Variants in FRYL observed in about 807,000 individuals in gnomAD.
FRYL encodes the protein FRY like transcription coactivator.
FRYL carries 150 observed loss-of-function variants against 351.2 expected under a neutral mutation model. That is an observed-to-expected ratio of 0.43 (90% CI 0.37 to 0.49). FRYL has a LOEUF of 0.49. Among genes scored for constraint, FRYL ranks in the 20% least tolerant of loss-of-function variants. FRYL has a pLI of 0.00. For missense variants in FRYL, 3,036 were observed against 3,619.3 expected (o/e 0.84, Z 4.13); for synonymous variants, 1,153 against 1,257.1 (o/e 0.92, Z 1.75).
chr4:48,614,162 C>T (rs1748857037), intron 7 of FRYL, among the ~76,000 whole-genome samples: 1 of 151,978 alleles, frequency 6.6e-6, no homozygotes, highest in African/African-American at 2.4e-5. Flanking sequence ...AAAAATTTTA[C>T]TTTAAGAATG....
intron 50 of FRYL, among the ~76,000 whole-genome samples, chr4:48,530,129 C>A (rs1727215586): frequency 6.6e-6 from 1 of 152,136 alleles, no homozygotes; most frequent in Non-Finnish European, 1.5e-5. Context: ...TTCTGGGTCA[C>A]TTCTGAGTCA....
chr4:48,515,285 A>C lies in FRYL; in HGVS notation c.7690-10T>G, dbSNP rs1723328323. 5.0e-6 allele frequency: 8 copies of C among 1,585,926 alleles called. No homozygotes were observed. Among genetic ancestry groups the C allele is most frequent in the South Asian group, 3.4e-5 (3 of 88,414 alleles). On this transcript the variant is annotated splice_polypyrimidine_tract_variant and intron_variant, in intron 55 of 63. Transcript: ENST00000358350. ...ATACTGAAGTTGTATCCTACAAAAC[A>C]ATCATAGTTTTAGTGAACTATAAAC... is the stretch of plus-strand genomic sequence containing the variant.
intron 50 of FRYL, among the ~76,000 whole-genome samples, chr4:48,528,940 T>G (rs772006297): frequency 5.3e-5 from 8 of 152,184 alleles, no homozygotes; most frequent in Non-Finnish European, 1.2e-4. Flanking sequence ...AATTTGCATT[T>G]GAAAATAAAA....
chr4:48,551,692 ATT>A, intron 36 of FRYL, 114 bp from the exon 37 acceptor site: 1 of 664,326 alleles, frequency 1.5e-6, no homozygotes. Flanking sequence ...GAGCAAAGTC[ATT>A]TAAAAAAAGG....
At chr4:48,596,037 A>G (rs1366122044) in intron 13 of FRYL, 37 bp from the exon 14 acceptor site, 2 of 1,273,762 alleles carry the variant, frequency 1.6e-6, no homozygotes, top group Non-Finnish European at 2.2e-6. Flanking sequence ...TTATTATAAT[A>G]CTTGCAATCA....
At chr4:48,690,279 C>G (rs577146916) in intron 2 of FRYL, among the ~76,000 whole-genome samples, 1 of 152,084 alleles carries the variant, frequency 6.6e-6, no homozygotes, top group East Asian at 1.9e-4. Flanking sequence ...CCAATTACAG[C>G]CTTCAACCCT....
chr4:48,675,519 G>C (rs1763490912), intron 3 of FRYL, among the ~76,000 whole-genome samples: 1 of 152,246 alleles, frequency 6.6e-6, no homozygotes, highest in Non-Finnish European at 1.5e-5. Flanking sequence ...GGGTCCCCCA[G>C]CAGTGCCAGC....
rs1759308376 is a variant in FRYL at position 48,656,753 on chromosome 4, G to A, written c.-80-22263C>T. Among the ~76,000 whole-genome samples, 4 of 131,274 alleles carry A rather than the reference G, an allele frequency of 3.0e-5. No homozygotes were observed. The South Asian group carries it at 7.4e-4, about 24-fold the overall frequency. 86.1% of individuals were successfully genotyped at this position (131,274 alleles called of 152,430 possible). A position where few individuals can be genotyped will look rare whatever the true frequency, so the allele number is the denominator to read the frequency against. The stretch of plus-strand genomic sequence containing the variant: ...CTATATATATATATATTTATTTATC[G>A]CCAAGGCAAATTAATAGTTTCTTTG... On this transcript the variant is annotated intron_variant, in intron 3 of 63. Transcript: ENST00000358350.
intron 59 of FRYL, chr4:48,506,613 CTAATATATAT>C (rs1365377774): frequency 3.1e-5 from 2 of 64,670 alleles, no homozygotes; most frequent in African/African-American, 7.2e-5. Context: ...AACAATACAA[CTAATATATAT>C]ATATATATAT....
At position 48,521,140 on chromosome 4, in the gene FRYL, C is replaced by T. The variant is rs1242759000; in HGVS notation, c.7597G>A (p.Gly2533Ser). The T allele has an allele frequency of 1.2e-6, 2 of 1,613,608 alleles. No individual in the cohort carries two copies. Among genetic ancestry groups the T allele is most frequent in the South Asian group, 2.2e-5 (2 of 91,016 alleles). The change falls in exon 55 of 64, where the codon GGC becomes AGC. Residue 2533 changes from glycine to serine, a missense_variant. Gly to Ser is a moderately conservative substitution (Grantham distance 56, BLOSUM62 0). Around this residue, in one of 7 missense-constraint regions of FRYL, gnomAD observed 1,987 missense variants for 2,311.7 expected, o/e 0.86. Transcript: ENST00000358350. Reference sequence around the variant, plus strand: ...AGCACTTCCTCTGTTGTGATGCTGCCAGTGGAATCTTCAGACTGGAGAAGT... The same window carrying T: ...AGCACTTCCTCTGTTGTGATGCTGCTAGTGGAATCTTCAGACTGGAGAAGT... ...DLLLQSEDST[G>S]SITTEEVLQI...
intron 1 of FRYL, among the ~76,000 whole-genome samples, chr4:48,773,430 C>A (rs1392417865): frequency 6.6e-6 from 1 of 152,146 alleles, no homozygotes; most frequent in Non-Finnish European, 1.5e-5. Flanking sequence ...GAACTAAGTA[C>A]TTTTAACTTC....
intron 3 of FRYL, among the ~76,000 whole-genome samples, chr4:48,662,784 A>G (rs1241669784): frequency 7.3e-6 from 1 of 137,080 alleles, no homozygotes; most frequent in African/African-American, 2.7e-5. Flanking sequence ...AAAAAAAAAA[A>G]GCAGGAAATT....
At chr4:48,665,119 C>T (rs1761482409) in intron 3 of FRYL, among the ~76,000 whole-genome samples, 1 of 152,104 alleles carries the variant, frequency 6.6e-6, no homozygotes, top group Admixed American at 6.5e-5. Context: ...GTGTGGTTAC[C>T]TATGCAGCAA....
chr4:48,745,341 G>T (rs549321415), intron 1 of FRYL, among the ~76,000 whole-genome samples: 1 of 152,078 alleles, frequency 6.6e-6, no homozygotes, highest in African/African-American at 2.4e-5. Context: ...TAGCAAAGAC[G>T]TGGAACCAAC....
intron 3 of FRYL, among the ~76,000 whole-genome samples, chr4:48,647,658 A>G (rs1271998893): frequency 6.6e-6 from 1 of 152,214 alleles, no homozygotes; most frequent in African/African-American, 2.4e-5. Context: ...AGAAGTTAGA[A>G]TTAAACAAAC....
intron 2 of FRYL, among the ~76,000 whole-genome samples, chr4:48,703,796 G>C (rs976185087): frequency 3.3e-5 from 5 of 152,164 alleles, no homozygotes; most frequent in African/African-American, 1.2e-4. Flanking sequence ...TTCCCTGAGA[G>C]CTAGGATTAT....
intron 8 of FRYL, 64 bp from the exon 9 acceptor site, chr4:48,609,131 T>A (rs1250916745): frequency 2.0e-6 from 2 of 1,013,690 alleles, no homozygotes; most frequent in Non-Finnish European, 3.1e-6. Flanking sequence ...TCTTTCCTAA[T>A]ACATATGAAA....
chr4:48,527,368 T>C (rs1293393999), intron 53 of FRYL, 109 bp downstream of exon 53: 3 of 710,762 alleles, frequency 4.2e-6, no homozygotes, highest in East Asian at 5.7e-5. Context: ...TTTAGATTTT[T>C]ACCTTTTTGA....
In FRYL at chr4:48,761,003, C is replaced by CTGTGTGTGTGTGTGTG. The variant is rs202244146; in HGVS notation, c.-384+19074_-384+19075insCACACACACACACACA. On this transcript the variant is annotated intron_variant, in intron 1 of 63. Transcript: ENST00000358350. Reference sequence around the variant, plus strand: ...ACCCTCGCTACTCTCTATTATTACTCTGTCTGTGTGTGTGTGTGTGTGTGT... The same window carrying CTGTGTGTGTGTGTGTG: ...ACCCTCGCTACTCTCTATTATTACTCTGTGTGTGTGTGTGTGTGTCTGTGTGTGTGTGTGTGTGTGT... Among the ~76,000 whole-genome samples, 5 of 121,684 alleles carry CTGTGTGTGTGTGTGTG rather than the reference C, an allele frequency of 4.1e-5. No individual in the cohort carries two copies. The East Asian group carries it at 1.2e-3, about 29-fold the overall frequency. The allele number at this position is 121,684 out of a possible 152,430, so 79.8% of individuals were successfully genotyped here.
Sources: allele counts gnomAD v4.1 joint callset (sites outside exome capture counted in the v4.1 genomes callset), GRCh38; gene constraint gnomAD v4.1.1; regional missense constraint gnomAD v4.1.1; transcripts MANE v1.5; gene names NCBI Gene and HGNC (gene_info 2026-07-23, HGNC 2026-07-21).